RIF1: variants seen among roughly 807,000 people sequenced by gnomAD.
RIF1 encodes the protein telomere-associated protein RIF1.
RIF1 carries 45 observed loss-of-function variants against 247.1 expected under a neutral mutation model. The observed-to-expected ratio is 0.18, with a 90% CI of 0.14 to 0.23. The LOEUF (loss-of-function observed/expected upper bound fraction) is 0.23, where lower values mean the gene tolerates loss of function less well. Among genes scored for constraint, RIF1 ranks in the 10% least tolerant of loss-of-function variants. The probability of loss-of-function intolerance (pLI) is 1.00; values close to 1 mark genes in which losing one functional copy is unlikely to be tolerated. For missense variants in RIF1, 2,967 were observed against 2,862.5 expected (o/e 1.04, Z -0.83); for synonymous variants, 1,087 against 978.8 (o/e 1.11, Z -2.06).
In RIF1 at chr2:151,474,993, A is replaced by G. The variant is rs2048862445; in HGVS notation, c.7341A>G (p.Lys2447=). The G allele has an allele frequency of 6.2e-7, 1 of 1,613,628 alleles. No homozygotes were observed. The highest frequency in any genetic ancestry group is 1.3e-5 in the African/African-American group (1 of 74,918). Residue 2447 remains lysine (K), a synonymous_variant, in exon 36 of 36, where the codon AAA becomes AAG. Coordinates refer to ENST00000444746, the MANE Select transcript of RIF1 (RefSeq NM_018151.5). ...GCCAACTATTTGAAATGCACGAGAA[A>G]CTAAGTTGTATGGCAAACTCTGTAA... The part of the protein sequence containing the change: ...SGSQLFEMHE[K]LSCMANSVIK...
intron 13 of RIF1, among the ~76,000 whole-genome samples, chr2:151,507,571 G>A (rs1027013141): frequency 1.3e-5 from 2 of 152,102 alleles, no homozygotes; most frequent in Non-Finnish European, 2.9e-5. Context: ...TAAATCCCCT[G>A]TTTATTACCA....
chr2:151,438,804 T>G, intron 14 of RIF1, 58 bp downstream of exon 14: 1 of 999,786 alleles, frequency 1.0e-6, no homozygotes, highest in South Asian at 1.3e-5. Flanking sequence ...GATCAGATGA[T>G]TTTTATAGCA....
intron 9 of RIF1, chr2:151,491,531 T>C (rs2056651322): frequency 1.6e-6 from 1 of 644,752 alleles, no homozygotes; most frequent in Non-Finnish European, 2.7e-6. Context: ...TAAGTTTTGC[T>C]CACTAGTTAA....
chr2:151,488,562 C>T (rs2152725122), intron 9 of RIF1, among the ~76,000 whole-genome samples: 1 of 151,830 alleles, frequency 6.6e-6, no homozygotes, highest in Admixed American at 6.6e-5. Context: ...TGGAGGATTG[C>T]TTGAGTCCAT....
chr2:151,450,457 C>T lies in RIF1; in HGVS notation c.2245-1149C>T, dbSNP rs1159525536. The stretch of plus-strand genomic sequence containing the variant: ...ATTGTTATACATTAGAGATTAATGA[C>T]TACTGATGTTTTCATTGTAATGTGT... On this transcript the variant is annotated intron_variant, in intron 20 of 35. Coordinates refer to ENST00000444746, the MANE Select transcript of RIF1 (RefSeq NM_018151.5). Among the ~76,000 whole-genome samples, 3 of 152,102 alleles carry T rather than the reference C, an allele frequency of 2.0e-5. No individual in the cohort carries two copies. The East Asian group carries it at 5.8e-4, about 29-fold the overall frequency.
chr2:151,410,957 C>T (rs936987180), intron 2 of RIF1, among the ~76,000 whole-genome samples: 2 of 152,156 alleles, frequency 1.3e-5, no homozygotes, highest in African/African-American at 4.8e-5. Context: ...TTGTAAAACC[C>T]TTTGGAAAGG....
chr2:151,492,055 C>G, intron 9 of RIF1: 1 of 1,584,538 alleles, frequency 6.3e-7, no homozygotes. Flanking sequence ...CTTCTACCCC[C>G]TCACTTAAAG....
At chr2:151,520,039 C>A in the RIF1 span, 980 of 158,142 alleles carry the variant, frequency 6.2e-3, no homozygotes, top group South Asian at 0.011. Flanking sequence ...TAATGCAAAA[C>A]AAAAAAAAAA....
intron 8 of RIF1, among the ~76,000 whole-genome samples, chr2:151,428,537 CT>C (rs968176691): frequency 1.3e-5 from 2 of 152,028 alleles, no homozygotes; most frequent in Non-Finnish European, 2.9e-5. Flanking sequence ...CTTCTTCAAA[CT>C]TTATATATTT....
At chr2:151,519,968 T>C in the RIF1 span, 19 of 445,016 alleles carry the variant, frequency 4.3e-5, no homozygotes, top group African/African-American at 8.0e-5. Context: ...TTCAAATATA[T>C]GATCACTGGC....
the RIF1 span, chr2:151,529,151 T>C: frequency 8.9e-7 from 1 of 1,126,672 alleles, no homozygotes; most frequent in South Asian, 1.3e-5. Context: ...AAAGAGGCCA[T>C]GTGTCCTACA....
rs1391614761 is a variant in RIF1 at position 151,435,509 on chromosome 2, C to T, written c.1124C>T (p.Ala375Val). Reference sequence around the variant, plus strand: ...AGTACAATAAGCATTGATTCTAATGCCTCACCTCAGGGCAATTCGTGTCAT... The same window carrying T: ...AGTACAATAAGCATTGATTCTAATGTCTCACCTCAGGGCAATTCGTGTCAT... ...IQSTISIDSN[A>V]SPQGNSCHVA... Residue 375 changes from alanine (A) to valine (V), a missense_variant, in exon 11 of 36, where the codon GCC becomes GTC. Coordinates refer to ENST00000444746, the MANE Select transcript of RIF1 (RefSeq NM_018151.5). The T allele has an allele frequency of 1.9e-6, 3 of 1,612,906 alleles. No individual in the cohort carries two copies. The highest frequency in any genetic ancestry group is 2.5e-6 in the Non-Finnish European group (3 of 1,179,036).
chr2:151,486,994 A>G (rs2051078716), downstream of RIF1, among the ~76,000 whole-genome samples: 4 of 152,208 alleles, frequency 2.6e-5, no homozygotes, highest in South Asian at 8.3e-4. Flanking sequence ...AAAAAAGCTT[A>G]AAATCATTGT....
intron 2 of RIF1, among the ~76,000 whole-genome samples, chr2:151,411,048 C>G (rs934747579): frequency 2.0e-5 from 3 of 152,006 alleles, no homozygotes; most frequent in Non-Finnish European, 4.4e-5. Flanking sequence ...TGCATGTACT[C>G]GATGTAAAAA....
intron 18 of RIF1, 39 bp downstream of exon 18, chr2:151,443,748 C>A: frequency 8.7e-7 from 1 of 1,154,304 alleles, no homozygotes; most frequent in South Asian, 2.6e-5. Flanking sequence ...GATAATAGAC[C>A]TTTTTTTTTT....
At chr2:151,531,097 A>C in the RIF1 span, 1 of 1,595,074 alleles carries the variant, frequency 6.3e-7, no homozygotes, top group Non-Finnish European at 8.6e-7. Flanking sequence ...CAATTTATAA[A>C]GGATCTGAAA....
chr2:151,416,737 GA>G, intron 5 of RIF1, 49 bp downstream of exon 5: 5 of 1,600,876 alleles, frequency 3.1e-6, no homozygotes, highest in Non-Finnish European at 4.2e-6. Context: ...CCAATTAAAA[GA>G]AAAAACTATA....
chr2:151,474,832 T>C (rs1405120916), intron 35 of RIF1, 25 bp from the exon 36 acceptor site: 2 of 1,304,622 alleles, frequency 1.5e-6, no homozygotes, highest in Middle Eastern at 2.0e-4. Context: ...ATAGATTTAA[T>C]TGTGGTTTTT....
chr2:151,529,559 C>G, the RIF1 span, among the ~76,000 whole-genome samples: 1 of 147,864 alleles, frequency 6.8e-6, no homozygotes, highest in Non-Finnish European at 1.5e-5. Flanking sequence ...TTAACAGATT[C>G]TCTCTCTGTC....
Sources: gnomAD v4.1 joint callset for allele counts (sites outside exome capture counted in the v4.1 genomes callset) on GRCh38, gnomAD v4.1.1 for gene constraint, MANE v1.5 for transcripts, NCBI Gene and HGNC (gene_info 2026-07-23, HGNC 2026-07-21) for gene names.